The following SLC15A2 variants were observed in gnomAD, a reference collection of about 807,000 sequenced individuals.
SLC15A2 encodes the protein kidney H(+)/peptide cotransporter.
Under a neutral mutation model 95.5 loss-of-function variants are expected in SLC15A2, and 77 were observed. The observed-to-expected ratio is 0.81, with a 90% CI of 0.67 to 0.97. The LOEUF is 0.97. SLC15A2 is among the 50% of genes least tolerant of loss of function. The pLI, the probability that SLC15A2 is intolerant of heterozygous loss-of-function variation, is 0.00. For synonymous variants in SLC15A2, 306 were observed against 306.9 expected, an observed-to-expected ratio of 1.00 and a Z score of 0.03; for missense variants, 893 against 874.4, an observed-to-expected ratio of 1.02 and a Z score of -0.27.
chr3:121,909,027 T>C (rs1348043537), intron 3 of SLC15A2, among the ~76,000 whole-genome samples: 1 of 152,022 alleles, frequency 6.6e-6, no homozygotes, highest in Non-Finnish European at 1.5e-5. Context: ...AAAAAGTCAC[T>C]GTTCATTTAT....
rs559544048 is a variant in SLC15A2, at chr3:121,935,323, A to G, written c.1761+3588A>G. 9.7e-4 allele frequency among the ~76,000 whole-genome samples: 148 copies of G among 152,278 alleles called. 1 individual carries two copies. Among genetic ancestry groups the G allele is most frequent in the Admixed American group, 5.2e-3 (79 of 15,298 alleles). On this transcript the variant is annotated intron_variant, in intron 19 of 21. Coordinates refer to ENST00000489711, the MANE Select transcript of SLC15A2 (RefSeq NM_021082.4). Reference sequence around the variant, plus strand: ...TCCCTCTTTTTCTATTGATTGGAATAGTTTCAGAAGGAATGGTATCAGTTC... The same window carrying G: ...TCCCTCTTTTTCTATTGATTGGAATGGTTTCAGAAGGAATGGTATCAGTTC...
At chr3:121,901,715 C>A (rs779651740) in intron 3 of SLC15A2, among the ~76,000 whole-genome samples, 8 of 152,090 alleles carry the variant, frequency 5.3e-5, no homozygotes, top group Non-Finnish European at 1.0e-4. Flanking sequence ...AAGACTCTTC[C>A]TTTACTGTCT....
intron 13 of SLC15A2, among the ~76,000 whole-genome samples, chr3:121,926,922 C>T (rs1233657846): frequency 6.6e-6 from 1 of 152,224 alleles, no homozygotes; most frequent in Non-Finnish European, 1.5e-5. Flanking sequence ...GGAGATTATT[C>T]TGGAACTTTA....
At chr3:121,910,192 C>CTTTT (rs35492489) in intron 3 of SLC15A2, among the ~76,000 whole-genome samples, 7 of 126,988 alleles carry the variant, frequency 5.5e-5, no homozygotes, top group African/African-American at 8.8e-5. Flanking sequence ...AGTCACCTAA[C>CTTTT]TTTTTTTTTT....
chr3:121,933,157 A>C (rs936343818), intron 19 of SLC15A2, among the ~76,000 whole-genome samples: 1 of 145,520 alleles, frequency 6.9e-6, no homozygotes, highest in African/African-American at 2.6e-5. Context: ...AATCCAGTCT[A>C]TCATTGTTGG....
At chr3:121,924,412 CTTAT>C in intron 12 of SLC15A2, 29 bp downstream of exon 12, 1 of 1,603,816 alleles carries the variant, frequency 6.2e-7, no homozygotes, top group Non-Finnish European at 8.5e-7. Flanking sequence ...GCCATGGGGA[CTTAT>C]TTGTTTCCTT....
intron 4 of SLC15A2, among the ~76,000 whole-genome samples, chr3:121,912,497 G>C (rs1161927633): frequency 1.3e-5 from 2 of 152,158 alleles, no homozygotes. Context: ...GCTTCCCAAA[G>C]TGCTGGGATT....
Position 121,941,817 on chromosome 3 carries a change from A to C in SLC15A2, c.*810A>C, listed in dbSNP as rs4285028. ...TTCTTAGCCTCTATGGCGCTGGTCT[A>C]TGCCCTTCAGTGAACAGTTGTATAA... is the stretch of plus-strand genomic sequence containing the variant. On this transcript the variant is annotated 3_prime_UTR_variant, in exon 22 of 22. Transcript: ENST00000489711. 33,814 of 152,152 alleles carry C rather than the reference A, an allele frequency of 0.22. 4,546 individuals carry two copies. The highest frequency in any genetic ancestry group is 0.37 in the Admixed American group (5,645 of 15,280). 9.4% of individuals were successfully genotyped at this position (152,152 alleles called of 1,614,324 possible).
intron 3 of SLC15A2, among the ~76,000 whole-genome samples, chr3:121,905,095 G>T (rs879260249): frequency 6.6e-5 from 10 of 152,134 alleles, no homozygotes; most frequent in Non-Finnish European, 1.0e-4. Context: ...TATGTGTCCA[G>T]AAATTTATCC....
At chr3:121,922,103 G>C in intron 7 of SLC15A2, 117 bp from the exon 8 acceptor site, 1 of 732,588 alleles carries the variant, frequency 1.4e-6, no homozygotes, top group Admixed American at 2.4e-5. Context: ...GTGCTATTTA[G>C]GTTTGTGCAA....
At chr3:121,936,216 T>A (rs1214845530) in intron 19 of SLC15A2, among the ~76,000 whole-genome samples, 1 of 152,176 alleles carries the variant, frequency 6.6e-6, no homozygotes, top group Non-Finnish European at 1.5e-5. Context: ...AGGTGTGGTG[T>A]GGTGCTGAAA....
intron 9 of SLC15A2, 59 bp downstream of exon 9, chr3:121,922,920 A>G: frequency 6.4e-7 from 1 of 1,562,142 alleles, no homozygotes; most frequent in South Asian, 1.1e-5. Flanking sequence ...AATGTTCAAA[A>G]TGATTCTATC....
intron 7 of SLC15A2, among the ~76,000 whole-genome samples, chr3:121,921,002 C>T (rs997473774): frequency 6.6e-6 from 1 of 152,084 alleles, no homozygotes; most frequent in African/African-American, 2.4e-5. Context: ...TTGAAAAAAC[C>T]ACTATTTTAT....
At chr3:121,907,532 G>A (rs1378040443) in intron 3 of SLC15A2, among the ~76,000 whole-genome samples, 3 of 152,216 alleles carry the variant, frequency 2.0e-5, no homozygotes, top group Admixed American at 2.0e-4. Context: ...TACAGATGGG[G>A]TTTTGGTGTG....
chr3:121,901,096 G>A (rs1239383321), intron 3 of SLC15A2, among the ~76,000 whole-genome samples: 2 of 152,000 alleles, frequency 1.3e-5, no homozygotes, highest in Non-Finnish European at 2.9e-5. Context: ...TCGGCTCACT[G>A]CAACCTCTGC....
chr3:121,915,624 C>T lies in SLC15A2; in HGVS notation c.628C>T (p.Gln210Ter), dbSNP rs1023728495. The change falls in exon 7 of 22, where the codon CAA (glutamine) becomes TAA (stop). Residue 210 changes from glutamine to a stop codon, truncating the protein, a stop_gained. Coordinates refer to ENST00000489711, the MANE Select transcript of SLC15A2 (RefSeq NM_021082.4). LOFTEE classifies it high-confidence loss of function. ...CATCCCATTTTCTTTAGGAGATGTG[C>T]AATGTTTTGGAGAAGACTGCTATGC... ...FITPMLRGDV[Q>*]CFGEDCYALA... 6.8e-6 allele frequency: 11 copies of T among 1,612,842 alleles called. No homozygotes were observed. Among genetic ancestry groups the T allele is most frequent in the Non-Finnish European group, 9.3e-6 (11 of 1,178,978 alleles).
At chr3:121,911,804 T>C (rs1709773034) in intron 4 of SLC15A2, 138 bp downstream of exon 4, 1 of 654,280 alleles carries the variant, frequency 1.5e-6, no homozygotes, top group Non-Finnish European at 2.7e-6. Flanking sequence ...AACAGTCTTA[T>C]GACCAGTTGA....
At chr3:121,922,672 A>G in intron 8 of SLC15A2, 103 bp from the exon 9 acceptor site, 1 of 692,196 alleles carries the variant, frequency 1.4e-6, no homozygotes, top group South Asian at 2.2e-5. Flanking sequence ...GAGTTGGAAT[A>G]AGTCACTAGA....
chr3:121,902,618 TC>T (rs1315758724), intron 3 of SLC15A2, among the ~76,000 whole-genome samples: 1 of 152,252 alleles, frequency 6.6e-6, no homozygotes, highest in African/African-American at 2.4e-5. Context: ...TGTTTGGTTT[TC>T]TGTCCTTGTG....
Sources: gnomAD v4.1 joint callset for allele counts (sites outside exome capture counted in the v4.1 genomes callset) on GRCh38, gnomAD v4.1.1 for gene constraint, MANE v1.5 for transcripts, NCBI Gene and HGNC (gene_info 2026-07-23, HGNC 2026-07-21) for gene names.